The following NUP50 variants were observed in gnomAD, a reference collection of about 807,000 sequenced individuals.
NUP50 encodes the protein nucleoporin 50.
In NUP50, 14 loss-of-function variants were observed where a neutral mutation model predicts 36.8. The ratio of observed to expected loss-of-function variants is 0.38; its 90% confidence interval spans 0.25 to 0.59. The LOEUF (loss-of-function observed/expected upper bound fraction) is 0.59. NUP50 is among the 20% of genes least tolerant of loss of function. The probability of loss-of-function intolerance (pLI) is 0.63; values close to 1 mark genes in which losing one functional copy is unlikely to be tolerated. For synonymous variants in NUP50, 195 were observed against 210.8 expected, an observed-to-expected ratio of 0.93 and a Z score of 0.65; for missense variants, 455 against 564.6, an observed-to-expected ratio of 0.81 and a Z score of 1.97.
At chr22:45,174,963 A>G (rs1186782728) in intron 3 of NUP50, among the ~76,000 whole-genome samples, 5 of 146,774 alleles carry the variant, frequency 3.4e-5, no homozygotes, top group Non-Finnish European at 7.5e-5. Flanking sequence ...TTCCAGTTTA[A>G]TTTTTTTTTT....
intron 2 of NUP50, among the ~76,000 whole-genome samples, chr22:45,170,690 TTTG>T (rs898141860): frequency 1.6e-4 from 24 of 152,182 alleles, no homozygotes; most frequent in African/African-American, 4.6e-4. Context: ...TTTTTGGTTT[TTTG>T]TTGTTGTTGG....
At chr22:45,171,997 T>A (rs2074202742) in intron 3 of NUP50, 1 of 286,758 alleles carries the variant, frequency 3.5e-6, no homozygotes, top group Non-Finnish European at 6.8e-6. Context: ...AACGCAAGGA[T>A]CTTCTGAGAG....
chr22:45,174,411 A>AGAG (rs768590019), intron 3 of NUP50, among the ~76,000 whole-genome samples: 5 of 152,154 alleles, frequency 3.3e-5, no homozygotes, highest in Non-Finnish European at 7.3e-5. Flanking sequence ...TCCTGGGCTC[A>AGAG]AGTGACCTGA....
intron 5 of NUP50, chr22:45,179,274 G>GGCGACCACC: frequency 5.5e-6 from 1 of 182,166 alleles, no homozygotes; most frequent in East Asian, 1.5e-4. Context: ...TTTGTACTTA[G>GGCGACCACC]GAGATCTCAC....
Position 45,187,981 on chromosome 22 carries a change from T to G in NUP50, c.*3326T>G, listed in dbSNP as rs2083467713. On this transcript the variant is annotated 3_prime_UTR_variant, in exon 8 of 8. Coordinates refer to ENST00000347635, the MANE Select transcript of NUP50 (RefSeq NM_007172.4). ...CCCATCGAGGAAGTGTAACAATCCA[T>G]GAAATGTGAATAAATGAAAAGTAAA... 6.6e-6 allele frequency: 1 copy of G among 152,664 alleles called. No individual in the cohort carries two copies. Among genetic ancestry groups the G allele is most frequent in the Non-Finnish European group, 1.5e-5 (1 of 68,044 alleles). The allele number at this position is 152,664 out of a possible 1,614,324, so 9.5% of individuals were successfully genotyped here.
Position 45,184,776 on chromosome 22 carries a change from T to G in NUP50, c.*121T>G. The G allele has an allele frequency of 1.4e-6, 1 of 718,528 alleles. No homozygotes were observed. Among genetic ancestry groups the G allele is most frequent in the South Asian group, 1.9e-5 (1 of 53,830 alleles). 44.5% of individuals were successfully genotyped at this position (718,528 alleles called of 1,614,324 possible). A position where few individuals can be genotyped will look rare whatever the true frequency, so the allele number is the denominator to read the frequency against. ...AGAACTTATAGATAACTTAAAACTT[T>G]TGTGAGGAAGATTAATGTGGCCAAT... is the stretch of plus-strand genomic sequence containing the variant. On this transcript the variant is annotated 3_prime_UTR_variant, in exon 8 of 8. Coordinates refer to ENST00000347635, the MANE Select transcript of NUP50 (RefSeq NM_007172.4).
chr22:45,181,402 T>G, intron 6 of NUP50, 35 bp downstream of exon 6: 1 of 1,405,462 alleles, frequency 7.1e-7, no homozygotes, highest in Non-Finnish European at 9.8e-7. Context: ...CGCATGTGTT[T>G]TGCAGGCATG....
chr22:45,178,100 T>A (rs1238159170), intron 4 of NUP50, 138 bp from the exon 5 acceptor site: 4 of 772,690 alleles, frequency 5.2e-6, no homozygotes, highest in Non-Finnish European at 8.3e-6. Context: ...CACTCCAGCC[T>A]GGGTGACAGA....
chr22:45,178,004 T>C, intron 4 of NUP50: 1 of 484,288 alleles, frequency 2.1e-6, no homozygotes, highest in South Asian at 2.5e-5. Context: ...CGGGTGCCCG[T>C]AATCCCACCT....
intron 3 of NUP50, 146 bp from the exon 4 acceptor site, chr22:45,175,748 T>C (rs1184179635): frequency 3.3e-6 from 2 of 606,096 alleles, no homozygotes; most frequent in South Asian, 2.5e-5. Flanking sequence ...TCATTTCTTA[T>C]TTCTGCTTGT....
rs777938880 is a variant in NUP50, at chr22:45,187,386, A to G, written c.*2731A>G. 12 of 150,794 alleles carry G rather than the reference A, an allele frequency of 8.0e-5. No individual in the cohort carries two copies. Among genetic ancestry groups the G allele is most frequent in the Admixed American group, 4.6e-4 (7 of 15,104 alleles). The allele number at this position is 150,794 out of a possible 1,614,324, so 9.3% of individuals were successfully genotyped here. On this transcript the variant is annotated 3_prime_UTR_variant, in exon 8 of 8. Transcript: ENST00000347635. ...AGGATTATTCTGTTTTACAATTTCA[A>G]TTCTAGATCACATTTTATATATGCT...
rs149409044 is a variant in NUP50 at position 45,176,194 on chromosome 22, A to C, written c.340+114A>C. 4,295 of 1,162,216 alleles carry C rather than the reference A, an allele frequency of 3.7e-3. 15 individuals carry two copies. The highest frequency in any genetic ancestry group is 0.019 in the Middle Eastern group (87 of 4,512). 72.0% of individuals were successfully genotyped at this position (1,162,216 alleles called of 1,614,324 possible). ...GTCTTGGAACTGTGTGAGCAAAACC[A>C]GGGTGATAATGAAAGAGATGGAACT... On this transcript the variant is annotated intron_variant, in intron 4 of 7. Transcript: ENST00000347635.
chr22:45,175,851 G>A, intron 3 of NUP50, 43 bp from the exon 4 acceptor site: 1 of 1,598,166 alleles, frequency 6.3e-7, no homozygotes, highest in Non-Finnish European at 8.5e-7. Flanking sequence ...TTTGGTAATA[G>A]AAAGTACACT....
At chr22:45,173,403 C>T (rs936024366) in intron 3 of NUP50, among the ~76,000 whole-genome samples, 3 of 145,258 alleles carry the variant, frequency 2.1e-5, no homozygotes, top group Non-Finnish European at 4.5e-5. Context: ...AGGTGGTAGA[C>T]GTAGGTGTTG....
At chr22:45,174,363 CAG>C (rs1491289514) in intron 3 of NUP50, among the ~76,000 whole-genome samples, 1 of 151,954 alleles carries the variant, frequency 6.6e-6, no homozygotes, top group African/African-American at 2.4e-5. Context: ...TTTTTGTAGA[CAG>C]GGGGTCTCAC....
rs547978679 is a variant in NUP50 at position 45,187,326 on chromosome 22, C to G, written c.*2671C>G. The G allele has an allele frequency of 8.0e-5, 12 of 150,488 alleles. No homozygotes were observed. The South Asian group carries it at 2.3e-3, about 29-fold the overall frequency. 9.3% of individuals were successfully genotyped at this position (150,488 alleles called of 1,614,324 possible). Reference sequence around the variant, plus strand: ...TTAGATTATGTTTTCCATGGAAGGACAAGTCTGACTGTTCATAGGCTGATT... The same window carrying G: ...TTAGATTATGTTTTCCATGGAAGGAGAAGTCTGACTGTTCATAGGCTGATT... On this transcript the variant is annotated 3_prime_UTR_variant, in exon 8 of 8. Coordinates refer to ENST00000347635, the MANE Select transcript of NUP50 (RefSeq NM_007172.4).
In NUP50 at chr22:45,186,758, T is replaced by TG. The variant is rs1397359372; in HGVS notation, c.*2104dup. ...TTAAAGTGAAAATTACAGGGAAAAA[T>TG]GTGATGAATATACCGTAACTCAAAA... is the stretch of plus-strand genomic sequence containing the variant. On this transcript the variant is annotated 3_prime_UTR_variant, in exon 8 of 8. Coordinates refer to ENST00000347635, the MANE Select transcript of NUP50 (RefSeq NM_007172.4). 3 of 152,606 alleles carry TG rather than the reference T, an allele frequency of 2.0e-5. No individual in the cohort carries two copies. The highest frequency in any genetic ancestry group is 7.2e-5 in the African/African-American group (3 of 41,430). The allele number at this position is 152,606 out of a possible 1,614,324, so 9.5% of individuals were successfully genotyped here.
At chr22:45,171,045 C>T in intron 2 of NUP50, 1 of 1,303,988 alleles carries the variant, frequency 7.7e-7, no homozygotes, top group South Asian at 1.2e-5. Flanking sequence ...CTGACGTGGA[C>T]ATCAGAAGTG....
chr22:45,181,223 C>G (rs2074366095), intron 5 of NUP50, 63 bp from the exon 6 acceptor site: 5 of 1,082,492 alleles, frequency 4.6e-6, no homozygotes, highest in Middle Eastern at 3.5e-4. Flanking sequence ...CGTAACAAAA[C>G]TTCAGTCACT....
Sources: allele counts gnomAD v4.1 joint callset (sites outside exome capture counted in the v4.1 genomes callset), GRCh38; gene constraint gnomAD v4.1.1; transcripts MANE v1.5; gene names NCBI Gene and HGNC (gene_info 2026-07-23, HGNC 2026-07-21).